The following KCNQ1 variants were observed in gnomAD, a reference collection of about 807,000 sequenced individuals.
The protein encoded by KCNQ1 is potassium voltage-gated channel subfamily KQT member 1.
Under a neutral mutation model 72.4 loss-of-function variants are expected in KCNQ1, and 49 were observed. That is an observed-to-expected ratio of 0.68 (90% CI 0.54 to 0.86). KCNQ1 has a LOEUF of 0.86. KCNQ1 is among the 40% of genes least tolerant of loss of function. The probability of loss-of-function intolerance (pLI) is 0.00; values close to 1 mark genes in which losing one functional copy is unlikely to be tolerated. For missense variants in KCNQ1, 790 were observed against 945.1 expected (o/e 0.84, Z 2.15); for synonymous variants, 450 against 412.6 (o/e 1.09, Z -1.10).
At chr11:2,761,020 A>G (rs565085509) in intron 11 of KCNQ1, among the ~76,000 whole-genome samples, 6 of 152,356 alleles carry the variant, frequency 3.9e-5, no homozygotes, top group Non-Finnish European at 8.8e-5. Context: ...CGGCAAGGGC[A>G]GAGGTCTTTC....
chr11:2,721,053 G>A (rs931016650), intron 11 of KCNQ1, among the ~76,000 whole-genome samples: 6 of 152,140 alleles, frequency 3.9e-5, no homozygotes. Flanking sequence ...GCAAGAAAGG[G>A]TATTTGTTTC....
chr11:2,753,966 A>AATAATG (rs1311895291), intron 11 of KCNQ1, among the ~76,000 whole-genome samples: 24 of 152,236 alleles, frequency 1.6e-4, no homozygotes, highest in African/African-American at 5.8e-4. Context: ...CTTACAACTC[A>AATAATG]ATAATGCATT....
chr11:2,643,443 CTTTGT>C, intron 10 of KCNQ1: 1 of 398,206 alleles, frequency 2.5e-6, no homozygotes, highest in Non-Finnish European at 4.4e-6. Flanking sequence ...TTAGCTTAAC[CTTTGT>C]TTTATCTGAT....
chr11:2,844,700 T>C (rs969496142), intron 15 of KCNQ1, among the ~76,000 whole-genome samples: 1 of 152,208 alleles, frequency 6.6e-6, no homozygotes, highest in African/African-American at 2.4e-5. Context: ...ACCCACTGTC[T>C]CTTTCTGTCC....
rs897070017 is a variant in KCNQ1, at chr11:2,777,967, C to T, written c.1733-9C>T. ...CTTGGCCCTGATTTGGGTGTTTTAT[C>T]CCCCATAGAAAAGAGCAAGGATCGC... On this transcript the variant is annotated splice_polypyrimidine_tract_variant and intron_variant, in intron 14 of 15. Transcript: ENST00000155840. 1 of 1,613,696 alleles carries T rather than the reference C, an allele frequency of 6.2e-7. No homozygotes were observed. The highest frequency in any genetic ancestry group is 1.1e-5 in the South Asian group (1 of 91,086).
At position 2,768,188 on chromosome 11, in the gene KCNQ1, C is replaced by A. The variant is rs898696639; in HGVS notation, c.1515-656C>A. Among the ~76,000 whole-genome samples, 1 of 152,222 alleles carries A rather than the reference C, an allele frequency of 6.6e-6. No homozygotes were observed. Among genetic ancestry groups the A allele is most frequent in the Non-Finnish European group, 1.5e-5 (1 of 68,040 alleles). On this transcript the variant is annotated intron_variant, in intron 11 of 15. Coordinates refer to ENST00000155840, the MANE Select transcript of KCNQ1 (RefSeq NM_000218.3). The surrounding 1 kb of genome is among the most constrained non-coding windows in gnomAD (Gnocchi z 6.7). ...CTGCCAGGAGGGAATCTCCTGTGGC[C>A]TCCATGGCGCTGTGTTTTCTTCCAG...
rs1451937232 is a variant in KCNQ1 at position 2,544,654 on chromosome 11, T to C, written c.477+16636T>C. On this transcript the variant is annotated intron_variant, in intron 2 of 15. Transcript: ENST00000155840. The surrounding 1 kb of genome is among the most constrained non-coding windows in gnomAD (Gnocchi z 4.4). ...TAGAACTGAAATTCATTTTGACAAA[T>C]TTATCTTGAATCTTGCAACCTTTCT... Among the ~76,000 whole-genome samples the C allele has an allele frequency of 6.6e-6, 1 of 152,222 alleles. No individual in the cohort carries two copies. The highest frequency in any genetic ancestry group is 1.5e-5 in the Non-Finnish European group (1 of 68,040).
intron 11 of KCNQ1, chr11:2,666,428 A>T (rs899488671): frequency 7.5e-6 from 3 of 398,496 alleles, no homozygotes; most frequent in African/African-American, 6.2e-5. Context: ...CGTTAATTAG[A>T]ATTTCCATGT....
At chr11:2,714,226 G>A (rs1423760806) in intron 11 of KCNQ1, among the ~76,000 whole-genome samples, 1 of 152,206 alleles carries the variant, frequency 6.6e-6, no homozygotes, top group Non-Finnish European at 1.5e-5. Flanking sequence ...CCAGCATTCC[G>A]CATCTCATGG....
At chr11:2,556,556 CAG>C (rs1167139333) in intron 2 of KCNQ1, among the ~76,000 whole-genome samples, 1 of 152,204 alleles carries the variant, frequency 6.6e-6, no homozygotes, top group African/African-American at 2.4e-5. Flanking sequence ...GTTGTTGCAA[CAG>C]AAATCGCGTG....
chr11:2,704,629 G>A lies in KCNQ1; in HGVS notation c.1514+42548G>A, dbSNP rs1839226893. Among the ~76,000 whole-genome samples, 2 of 152,358 alleles carry A rather than the reference G, an allele frequency of 1.3e-5. No individual in the cohort carries two copies. The highest frequency in any genetic ancestry group is 2.4e-5 in the African/African-American group (1 of 41,590). On this transcript the variant is annotated intron_variant, in intron 11 of 15. Coordinates refer to ENST00000155840, the MANE Select transcript of KCNQ1 (RefSeq NM_000218.3). The surrounding 1 kb of genome is among the most constrained non-coding windows in gnomAD (Gnocchi z 4.3). ...TGAACAGAGAGAGAACTGAAGAGAG[G>A]CAGCAGGGTGAGGGGGAAGACTACG... is the stretch of plus-strand genomic sequence containing the variant.
chr11:2,803,156 C>A lies in KCNQ1; in HGVS notation c.1794+25119C>A, dbSNP rs573360. Among the ~76,000 whole-genome samples the A allele has an allele frequency of 1.2e-5, 1 of 85,826 alleles. No homozygotes were observed. Among genetic ancestry groups the A allele is most frequent in the Admixed American group, 1.1e-4 (1 of 9,458 alleles). The allele number at this position is 85,826 out of a possible 152,430, so 56.3% of individuals were successfully genotyped here. ...GGTAGCCCAGAAAACCCAGCCGGGC[C>A]CCCCCCCCCACGGGCACCCAGGAAC... On this transcript the variant is annotated intron_variant, in intron 15 of 15. Coordinates refer to ENST00000155840, the MANE Select transcript of KCNQ1 (RefSeq NM_000218.3). The surrounding 1 kb of genome is among the most constrained non-coding windows in gnomAD (Gnocchi z 6.4).
intron 10 of KCNQ1, chr11:2,615,967 A>G (rs1033739850): frequency 5.0e-6 from 2 of 398,062 alleles, no homozygotes; most frequent in Non-Finnish European, 8.9e-6. Flanking sequence ...GGTATAATTC[A>G]ACAGTGACGC....
intron 11 of KCNQ1, among the ~76,000 whole-genome samples, chr11:2,721,851 G>T (rs953287245): frequency 3.9e-5 from 6 of 152,200 alleles, no homozygotes; most frequent in Admixed American, 2.6e-4. Context: ...CTGTCCCTTG[G>T]CCCCTTTAAG....
intron 1 of KCNQ1, chr11:2,461,745 G>C (rs1846281770): frequency 7.3e-7 from 1 of 1,364,492 alleles, no homozygotes; most frequent in African/African-American, 1.5e-5. Context: ...CAGATAGGCA[G>C]AGGAAGGGAT....
At chr11:2,660,266 T>C (rs1849928252) in intron 10 of KCNQ1, 1 of 398,406 alleles carries the variant, frequency 2.5e-6, no homozygotes, top group East Asian at 3.6e-5. Context: ...CTATCAGGCA[T>C]AGATACTAAA....
chr11:2,648,745 C>G (rs1287458307), intron 10 of KCNQ1: 1 of 398,386 alleles, frequency 2.5e-6, no homozygotes, highest in Non-Finnish European at 4.4e-6. Flanking sequence ...CAGTTCAAAT[C>G]TAATATTTCC....
intron 11 of KCNQ1, among the ~76,000 whole-genome samples, chr11:2,717,623 C>T (rs1250014139): frequency 6.6e-6 from 1 of 152,212 alleles, no homozygotes; most frequent in Non-Finnish European, 1.5e-5. Flanking sequence ...CCAATCCTCC[C>T]ATCCCCATAT....
Position 2,627,862 on chromosome 11 carries a change from T to C in KCNQ1, c.1394-34099T>C. On this transcript the variant is annotated intron_variant, in intron 10 of 15. Transcript: ENST00000155840. The surrounding 1 kb of genome is among the most constrained non-coding windows in gnomAD (Gnocchi z 4.9). The stretch of plus-strand genomic sequence containing the variant: ...ACCTCATGGGCTCAAGTGATCCTCC[T>C]GCCTCAGCCTCCTGAGTAGCTGGGA... 2.5e-6 allele frequency: 1 copy of C among 398,730 alleles called. No individual in the cohort carries two copies. The highest frequency in any genetic ancestry group is 4.4e-6 in the Non-Finnish European group (1 of 226,204). The allele number at this position is 398,730 out of a possible 1,614,324, so 24.7% of individuals were successfully genotyped here. A position where few individuals can be genotyped will look rare whatever the true frequency, so the allele number is the denominator to read the frequency against.
Sources: allele counts gnomAD v4.1 joint callset (sites outside exome capture counted in the v4.1 genomes callset), GRCh38; gene constraint gnomAD v4.1.1; non-coding constraint Gnocchi (gnomAD v3.1); transcripts MANE v1.5; gene names NCBI Gene and HGNC (gene_info 2026-07-23, HGNC 2026-07-21).